Variants in NIPSNAP1 observed in about 807,000 individuals in gnomAD.
The protein encoded by NIPSNAP1 is protein NipSnap homolog 1.
NIPSNAP1 carries 25 observed loss-of-function variants against 49.2 expected under a neutral mutation model. That is an observed-to-expected ratio of 0.51 (90% CI 0.37 to 0.71). NIPSNAP1 has a LOEUF of 0.71. NIPSNAP1 is among the 30% of genes least tolerant of loss of function. NIPSNAP1 has a pLI of 0.00. For missense variants in NIPSNAP1, 294 were observed against 361.0 expected (o/e 0.81, Z 1.50); for synonymous variants, 143 against 140.7 (o/e 1.02, Z -0.12).
Position 29,561,661 on chromosome 22 carries a change from G to A in NIPSNAP1, c.439-15C>T, listed in dbSNP as rs779261784. 1 of 1,614,114 alleles carries A rather than the reference G, an allele frequency of 6.2e-7. No individual in the cohort carries two copies. Among genetic ancestry groups the A allele is most frequent in the East Asian group, 2.2e-5 (1 of 44,878 alleles). On this transcript the variant is annotated splice_polypyrimidine_tract_variant and intron_variant, in intron 5 of 9. Transcript: ENST00000216121. ...TCCAGGTACTCCTGTGGGCATGGTG[G>A]TAAAGGCATGGCTACCAGGAAGTGC... is the stretch of plus-strand genomic sequence containing the variant.
At chr22:29,566,048 C>A (rs894057923) in intron 4 of NIPSNAP1, among the ~76,000 whole-genome samples, 1 of 152,010 alleles carries the variant, frequency 6.6e-6, no homozygotes, top group African/African-American at 2.4e-5. Context: ...CACTCTAAAC[C>A]AGTACTGTCC....
intron 4 of NIPSNAP1, among the ~76,000 whole-genome samples, chr22:29,565,657 G>A (rs1205868480): frequency 6.6e-6 from 1 of 152,060 alleles, no homozygotes; most frequent in Non-Finnish European, 1.5e-5. Flanking sequence ...TGAAACTGAA[G>A]GCAATTTGCT....
At chr22:29,565,869 T>C (rs1159107978) in intron 4 of NIPSNAP1, among the ~76,000 whole-genome samples, 1 of 152,174 alleles carries the variant, frequency 6.6e-6, no homozygotes, top group Non-Finnish European at 1.5e-5. Flanking sequence ...AACCAAATAA[T>C]TGATTAAGGA....
chr22:29,565,455 G>A (rs1256961232), intron 4 of NIPSNAP1, among the ~76,000 whole-genome samples: 1 of 152,174 alleles, frequency 6.6e-6, no homozygotes, highest in Non-Finnish European at 1.5e-5. Flanking sequence ...AGAGGTTGCA[G>A]TGAGCTGAGA....
chr22:29,570,328 C>G (rs457930), intron 2 of NIPSNAP1, 77 bp downstream of exon 2: 221,239 of 1,610,096 alleles, frequency 0.14, 16,385 homozygotes, highest in South Asian at 0.17. Flanking sequence ...CCAGACCCTC[C>G]CATCTCCTTC....
intron 4 of NIPSNAP1, among the ~76,000 whole-genome samples, chr22:29,565,010 A>G (rs2064359676): frequency 1.3e-5 from 2 of 151,872 alleles, no homozygotes; most frequent in South Asian, 2.1e-4. Flanking sequence ...CAACATAGCA[A>G]GACCTCATCT....
chr22:29,563,047 C>T (rs1453808802), intron 4 of NIPSNAP1, among the ~76,000 whole-genome samples: 10 of 151,014 alleles, frequency 6.6e-5, no homozygotes, highest in South Asian at 2.1e-4. Context: ...TGCAGTGAGC[C>T]GAGATCATGC....
At position 29,560,721 on chromosome 22, in the gene NIPSNAP1, G is replaced by T. The variant is rs1337679740; in HGVS notation, c.706+13C>A. ...AGAACTAACAAAAGGCTCCTGGAAG[G>T]TCCTCAACCTACCCCAGAGATGGTG... On this transcript the variant is annotated intron_variant, in intron 8 of 9. Coordinates refer to ENST00000216121, the MANE Select transcript of NIPSNAP1 (RefSeq NM_003634.4). 6.2e-7 allele frequency: 1 copy of T among 1,610,490 alleles called. No homozygotes were observed. The highest frequency in any genetic ancestry group is 1.1e-5 in the South Asian group (1 of 91,024).
At chr22:29,571,365 A>T (rs888014878) in intron 1 of NIPSNAP1, among the ~76,000 whole-genome samples, 1 of 152,206 alleles carries the variant, frequency 6.6e-6, no homozygotes, top group African/African-American at 2.4e-5. Context: ...GCATTCACTC[A>T]TCCAGCCAAC....
intron 8 of NIPSNAP1, among the ~76,000 whole-genome samples, chr22:29,560,450 A>T (rs2064327529): frequency 6.6e-6 from 1 of 151,854 alleles, no homozygotes; most frequent in Non-Finnish European, 1.5e-5. Flanking sequence ...GTTTCACCAT[A>T]TTGGCCAGGA....
At chr22:29,569,102 G>T in intron 4 of NIPSNAP1, 91 bp downstream of exon 4, 1 of 968,018 alleles carries the variant, frequency 1.0e-6, no homozygotes, top group Non-Finnish European at 1.6e-6. Context: ...AGGTGCTGTT[G>T]TGGAGAGGGA....
At chr22:29,570,128 C>A (rs770466908) in intron 3 of NIPSNAP1, 34 bp downstream of exon 3, 29 of 1,601,976 alleles carry the variant, frequency 1.8e-5, no homozygotes, top group African/African-American at 6.7e-5. Flanking sequence ...CCCACCCAAG[C>A]AGGGGATGGG....
At position 29,555,703 on chromosome 22, in the gene NIPSNAP1, A is replaced by G. The variant is rs1244662588; in HGVS notation, c.*232T>C. ...TCACTATCTTTCATTCAGGGAAATC[A>G]GAAACTACTTCTAGCAGGGGGAGGG... On this transcript the variant is annotated 3_prime_UTR_variant, in exon 10 of 10. Coordinates refer to ENST00000216121, the MANE Select transcript of NIPSNAP1 (RefSeq NM_003634.4). 2 of 564,170 alleles carry G rather than the reference A, an allele frequency of 3.5e-6. No homozygotes were observed. The highest frequency in any genetic ancestry group is 3.0e-5 in the Admixed American group (1 of 33,304). 34.9% of individuals were successfully genotyped at this position (564,170 alleles called of 1,614,324 possible). A position where few individuals can be genotyped will look rare whatever the true frequency, so the allele number is the denominator to read the frequency against.
At chr22:29,577,322 G>A (rs1001119982) in intron 1 of NIPSNAP1, among the ~76,000 whole-genome samples, 10 of 150,206 alleles carry the variant, frequency 6.7e-5, no homozygotes, top group South Asian at 4.2e-4. Context: ...GCACGATCTC[G>A]GCTCACTGCA....
At chr22:29,561,731 C>A in intron 5 of NIPSNAP1, 61 bp downstream of exon 5, 1 of 1,613,632 alleles carries the variant, frequency 6.2e-7, no homozygotes, top group African/African-American at 1.3e-5. Flanking sequence ...GAGTAGTCCC[C>A]AGAACAGGGC....
At chr22:29,568,496 G>GAAAAAAGA (rs2064383908) in intron 4 of NIPSNAP1, among the ~76,000 whole-genome samples, 1 of 111,468 alleles carries the variant, frequency 9.0e-6, no homozygotes. Context: ...AAAGAAAAAA[G>GAAAAAAGA]AAAAAAAAAA....
chr22:29,575,272 A>T (rs1021936910), intron 1 of NIPSNAP1, among the ~76,000 whole-genome samples: 13 of 152,198 alleles, frequency 8.5e-5, no homozygotes, highest in Non-Finnish European at 1.3e-4. Flanking sequence ...AGCCCTGAAG[A>T]AAGAGATTAG....
chr22:29,579,451 C>T (rs1028082052), intron 1 of NIPSNAP1, among the ~76,000 whole-genome samples: 55 of 151,818 alleles, frequency 3.6e-4, no homozygotes, highest in Admixed American at 3.9e-4. Flanking sequence ...CGCCTGCCAC[C>T]GCGCCCAGCT....
At chr22:29,561,685 G>A in intron 5 of NIPSNAP1, 39 bp from the exon 6 acceptor site, 1 of 1,614,140 alleles carries the variant, frequency 6.2e-7, no homozygotes, top group Non-Finnish European at 8.5e-7. Context: ...ACCAGGAAGT[G>A]CGCTCCATCC....
Sources: allele counts gnomAD v4.1 joint callset (sites outside exome capture counted in the v4.1 genomes callset), GRCh38; gene constraint gnomAD v4.1.1; transcripts MANE v1.5; gene names NCBI Gene and HGNC (gene_info 2026-07-23, HGNC 2026-07-21).